The following ARSJ variants were observed in gnomAD, a reference collection of about 807,000 sequenced individuals.
The protein encoded by ARSJ is arylsulfatase J.
A neutral mutation model predicts 35.9 loss-of-function variants in ARSJ; 26 were observed. That is an observed-to-expected ratio of 0.72 (90% CI 0.53 to 1.00). The LOEUF (loss-of-function observed/expected upper bound fraction) is 1.00, where lower values mean the gene tolerates loss of function less well. Ranked by LOEUF, ARSJ falls within the 50% of genes least tolerant of loss-of-function variation. The pLI, the probability that ARSJ is intolerant of heterozygous loss-of-function variation, is 0.00. For synonymous variants in ARSJ, 294 were observed against 267.6 expected (o/e 1.10, Z -0.96); for missense variants, 667 against 723.6 (o/e 0.92, Z 0.90).
At chr4:113,929,709 GC>G (rs1724309352) in intron 1 of ARSJ, among the ~76,000 whole-genome samples, 2 of 152,104 alleles carry the variant, frequency 1.3e-5, no homozygotes, top group Admixed American at 6.6e-5. Context: ...TTTCTGTTTC[GC>G]TCAGGGCAAT....
At chr4:113,933,739 C>T (rs780340468) in intron 1 of ARSJ, among the ~76,000 whole-genome samples, 17 of 151,534 alleles carry the variant, frequency 1.1e-4, no homozygotes, top group Non-Finnish European at 2.2e-4. Context: ...ATAATAAAAG[C>T]GATACATATG....
At chr4:113,915,056 G>C (rs1723209605) in intron 1 of ARSJ, among the ~76,000 whole-genome samples, 1 of 152,108 alleles carries the variant, frequency 6.6e-6, no homozygotes, top group African/African-American at 2.4e-5. Context: ...AGGCATCTAG[G>C]TATCATTGTA....
chr4:113,949,188 G>T (rs1391233502), intron 1 of ARSJ, among the ~76,000 whole-genome samples: 1 of 151,898 alleles, frequency 6.6e-6, no homozygotes, highest in Non-Finnish European at 1.5e-5. Context: ...GGTTGCGGGT[G>T]GGGTGAGGGG....
chr4:113,911,094 G>T (rs1385178738), intron 1 of ARSJ, among the ~76,000 whole-genome samples: 1 of 152,162 alleles, frequency 6.6e-6, no homozygotes, highest in Non-Finnish European at 1.5e-5. Flanking sequence ...TGCAGCAGGA[G>T]GAGCCATCCA....
At chr4:113,960,660 C>T (rs1368882701) in intron 1 of ARSJ, among the ~76,000 whole-genome samples, 2 of 152,056 alleles carry the variant, frequency 1.3e-5, no homozygotes, top group African/African-American at 2.4e-5. Context: ...ATTATTTTTA[C>T]ATTTTATAAC....
rs35398076 is a variant in ARSJ at position 113,962,483 on chromosome 4, CTT to C, written c.398+15952_398+15953del. ...GATACATGTCTGCTGGAGCAGGCAC[CTT>C]TTTTTTTTTTTTTTCTAATAGTTGA... On this transcript the variant is annotated intron_variant, in intron 1 of 1. Coordinates refer to ENST00000315366, the MANE Select transcript of ARSJ (RefSeq NM_024590.4). Among the ~76,000 whole-genome samples, 131 of 139,436 alleles carry C rather than the reference CTT, an allele frequency of 9.4e-4. 1 individual carries two copies. In the East Asian group the frequency reaches 0.016, roughly 17 times the overall value. 91.5% of individuals were successfully genotyped at this position (139,436 alleles called of 152,430 possible). A position where few individuals can be genotyped will look rare whatever the true frequency, so the allele number is the denominator to read the frequency against.
chr4:113,964,859 CT>C (rs1422276288), intron 1 of ARSJ, among the ~76,000 whole-genome samples: 1 of 152,020 alleles, frequency 6.6e-6, no homozygotes, highest in African/African-American at 2.4e-5. Flanking sequence ...AACAAGTTCT[CT>C]GAGTAATTCT....
intron 1 of ARSJ, among the ~76,000 whole-genome samples, chr4:113,961,237 C>T (rs1726520279): frequency 1.3e-5 from 2 of 152,048 alleles, no homozygotes; most frequent in South Asian, 2.1e-4. Flanking sequence ...AAGTTTTACA[C>T]TTTAAGATTT....
At chr4:113,905,888 G>A (rs962081552) in intron 1 of ARSJ, among the ~76,000 whole-genome samples, 5 of 151,744 alleles carry the variant, frequency 3.3e-5, no homozygotes, top group Non-Finnish European at 7.4e-5. Context: ...GGCTGATTTC[G>A]AACTTCTGAC....
chr4:113,932,128 C>T (rs1022157454), intron 1 of ARSJ, among the ~76,000 whole-genome samples: 3 of 151,892 alleles, frequency 2.0e-5, no homozygotes, highest in African/African-American at 4.8e-5. Flanking sequence ...AAAATGTCAC[C>T]GTGTAATGAT....
chr4:113,914,196 A>T (rs1723134869), intron 1 of ARSJ, among the ~76,000 whole-genome samples: 1 of 151,750 alleles, frequency 6.6e-6, no homozygotes, highest in African/African-American at 2.4e-5. Context: ...CTGGTCTCGA[A>T]CTCCTGACCT....
chr4:113,978,557 T>C lies in ARSJ; in HGVS notation c.278A>G (p.Tyr93Cys). The change falls in exon 1 of 2, where the codon TAC becomes TGC. Residue 93 changes from tyrosine (Y) to cysteine (C), a missense_variant. Coordinates refer to ENST00000315366, the MANE Select transcript of ARSJ (RefSeq NM_024590.4). ...AGGTGTTTTAATCTCAGATCCGTGG[T>C]AACCCACATCTCTAAATCCCTGATC... ...ADDQGFRDVG[Y>C]HGSEIKTPTL... 2 of 1,614,250 alleles carry C rather than the reference T, an allele frequency of 1.2e-6. No homozygotes were observed. The highest frequency in any genetic ancestry group is 8.5e-7 in the Non-Finnish European group (1 of 1,180,036).
intron 1 of ARSJ, among the ~76,000 whole-genome samples, chr4:113,950,688 T>A (rs1054868271): frequency 6.6e-6 from 1 of 152,074 alleles, no homozygotes; most frequent in African/African-American, 2.4e-5. Context: ...AATGTGAATA[T>A]TAAAATATTA....
In ARSJ at chr4:113,924,061, ATATAAATATATATAAATATATATATAT is replaced by A. The variant is rs1562345543; in HGVS notation, c.399-20413_399-20387del. Among the ~76,000 whole-genome samples, 92 of 110,692 alleles carry A rather than the reference ATATAAATATATATAAATATATATATAT, an allele frequency of 8.3e-4. 1 individual carries two copies. The highest frequency in any genetic ancestry group is 3.8e-3 in the African/African-American group (89 of 23,576). The allele number at this position is 110,692 out of a possible 152,430, so 72.6% of individuals were successfully genotyped here. ...AATATATATAAATATATATAAATAT[ATATAAATATATATAAATATATATATAT>A]ATATATATATATATATATATATATA... On this transcript the variant is annotated intron_variant, in intron 1 of 1. Transcript: ENST00000315366.
Position 113,978,697 on chromosome 4 carries a change from C to A in ARSJ, c.138G>T (p.Trp46Cys). ...LCLLTYGYLS[W>C]GQALEEEEEG... Reference sequence around the variant, plus strand: ...CTTCCTCCTCTTCTAAGGCCTGGCCCCAGGACAGGTAACCATAAGTGAGGA... The same window carrying A: ...CTTCCTCCTCTTCTAAGGCCTGGCCACAGGACAGGTAACCATAAGTGAGGA... Residue 46 changes from tryptophan to cysteine, a missense_variant, in exon 1 of 2, where the codon TGG becomes TGT. By Grantham distance (215) the Trp-to-Cys change is radical (BLOSUM62 -2). Transcript: ENST00000315366. 6.2e-7 allele frequency: 1 copy of A among 1,614,196 alleles called. No individual in the cohort carries two copies. Among genetic ancestry groups the A allele is most frequent in the Non-Finnish European group, 8.5e-7 (1 of 1,180,034 alleles).
intron 1 of ARSJ, among the ~76,000 whole-genome samples, chr4:113,920,417 A>G (rs1231721161): frequency 6.6e-6 from 1 of 152,210 alleles, no homozygotes; most frequent in African/African-American, 2.4e-5. Flanking sequence ...ACAAGTCCAA[A>G]TAACTATTGG....
rs1035266235 is a variant in ARSJ at position 113,978,470 on chromosome 4, C to T, written c.365G>A (p.Cys122Tyr). 6.2e-7 allele frequency: 1 copy of T among 1,613,028 alleles called. No individual in the cohort carries two copies. The highest frequency in any genetic ancestry group is 1.3e-5 in the African/African-American group (1 of 74,888). ...KLENYYVQPI[C>Y]TPSRSQFITG... is the part of the protein sequence containing the mutation. ...AATAAACTGACTCCTGGATGGTGTG[C>T]AAATAGGCTGGACATAGTAGTTCTC... The change falls in exon 1 of 2, where the codon TGC becomes TAC. Residue 122 changes from cysteine to tyrosine, a missense_variant. Cys to Tyr is a radical substitution (Grantham distance 194). Coordinates refer to ENST00000315366, the MANE Select transcript of ARSJ (RefSeq NM_024590.4).
intron 1 of ARSJ, among the ~76,000 whole-genome samples, chr4:113,917,359 A>T (rs1723375474): frequency 6.6e-6 from 1 of 152,188 alleles, no homozygotes; most frequent in East Asian, 1.9e-4. Context: ...AATCCTGGAA[A>T]GCAAAATGTT....
Position 113,903,075 on chromosome 4 carries a change from C to A in ARSJ, c.999G>T (p.Thr333=), listed in dbSNP as rs539190739. The change falls in exon 2 of 2, where the codon ACG becomes ACT. Residue 333 remains threonine, a synonymous_variant. Coordinates refer to ENST00000315366, the MANE Select transcript of ARSJ (RefSeq NM_024590.4). ...TGAGAGGCCAGTTACTCCCTCCTGC[C>A]GTAGGCTGGCCACCATTATCTGAAG... is the stretch of plus-strand genomic sequence containing the variant. ...IYSSDNGGQP[T]AGGSNWPLRG... 5.6e-6 allele frequency: 9 copies of A among 1,614,168 alleles called. No homozygotes were observed. The highest frequency in any genetic ancestry group is 1.3e-5 in the African/African-American group (1 of 75,044).
Sources: gnomAD v4.1 joint callset for allele counts (sites outside exome capture counted in the v4.1 genomes callset) on GRCh38, gnomAD v4.1.1 for gene constraint, MANE v1.5 for transcripts, NCBI Gene and HGNC (gene_info 2026-07-23, HGNC 2026-07-21) for gene names.